The following RIN3 variants were observed in gnomAD, a reference collection of about 807,000 sequenced individuals.
RIN3 encodes the protein Ras and Rab interactor 3.
RIN3 carries 54 observed loss-of-function variants against 76.3 expected under a neutral mutation model. The observed-to-expected ratio is 0.71, with a 90% CI of 0.57 to 0.89. The LOEUF is 0.89. Ranked by LOEUF, RIN3 falls within the 40% of genes least tolerant of loss-of-function variation. The pLI is 0.00. For missense variants in RIN3, 1,256 were observed against 1,322.1 expected (o/e 0.95, Z 0.78); for synonymous variants, 576 against 564.0 (o/e 1.02, Z -0.30).
intron 2 of RIN3, among the ~76,000 whole-genome samples, chr14:92,573,499 C>T (rs1898122547): frequency 8.1e-3 from 1 of 124 alleles, no homozygotes. Context: ...CACGGGGGGC[C>T]GAAGTTCCAA....
intron 8 of RIN3, among the ~76,000 whole-genome samples, chr14:92,678,828 G>A (rs1405880562): frequency 6.6e-6 from 1 of 152,178 alleles, no homozygotes; most frequent in Non-Finnish European, 1.5e-5. Flanking sequence ...CACATTTTGG[G>A]ACTTCTACCT....
At chr14:92,653,706 C>T (rs1887557586) in intron 6 of RIN3, among the ~76,000 whole-genome samples, 1 of 152,204 alleles carries the variant, frequency 6.6e-6, no homozygotes, top group Non-Finnish European at 1.5e-5. Context: ...TTGTGAACAA[C>T]CACACGCCTA....
intron 8 of RIN3, among the ~76,000 whole-genome samples, chr14:92,682,913 C>A (rs984006590): frequency 6.6e-6 from 1 of 152,202 alleles, no homozygotes; most frequent in African/African-American, 2.4e-5. Context: ...CACCCGTAAT[C>A]CCAGCTCTTT....
Position 92,685,286 on chromosome 14 carries a change from C to A in RIN3, c.2631+136C>A. 1.1e-6 allele frequency: 1 copy of A among 920,978 alleles called. No homozygotes were observed. The highest frequency in any genetic ancestry group is 1.6e-6 in the Non-Finnish European group (1 of 627,088). The allele number at this position is 920,978 out of a possible 1,614,324, so 57.1% of individuals were successfully genotyped here. Reference sequence around the variant, plus strand: ...CTGCCTTAGGGGAGCAGTGAGACTCCCCACACCAGAGGAAGGGCCCCCAGC... The same window carrying A: ...CTGCCTTAGGGGAGCAGTGAGACTCACCACACCAGAGGAAGGGCCCCCAGC... On this transcript the variant is annotated intron_variant, in intron 9 of 9. Transcript: ENST00000216487. This position sits in a 1 kb window ranked among gnomAD's most constrained non-coding sequence, Gnocchi z 4.7.
intron 4 of RIN3, among the ~76,000 whole-genome samples, chr14:92,629,800 C>T (rs1318733915): frequency 6.6e-6 from 1 of 152,264 alleles, no homozygotes; most frequent in Non-Finnish European, 1.5e-5. Context: ...AGAGAAGTCA[C>T]TTGCCCAGCT....
intron 4 of RIN3, among the ~76,000 whole-genome samples, chr14:92,618,910 G>T (rs1182017305): frequency 6.6e-6 from 1 of 152,128 alleles, no homozygotes; most frequent in South Asian, 2.1e-4. Flanking sequence ...TCTCCATGAG[G>T]CCATGCTTAA....
At chr14:92,529,776 A>T (rs989340813) in intron 1 of RIN3, among the ~76,000 whole-genome samples, 5 of 152,152 alleles carry the variant, frequency 3.3e-5, no homozygotes, top group African/African-American at 1.2e-4. Context: ...GTAGTGTTCG[A>T]GGGCTGCCTC....
intron 3 of RIN3, among the ~76,000 whole-genome samples, chr14:92,613,591 A>G (rs893465713): frequency 6.6e-6 from 1 of 152,172 alleles, no homozygotes; most frequent in African/African-American, 2.4e-5. Context: ...ACAGACCTCT[A>G]ATGCTGTGGA....
intron 3 of RIN3, among the ~76,000 whole-genome samples, chr14:92,592,686 ATTATTG>A (rs1194302960): frequency 0.012 from 1,401 of 114,676 alleles, 23 homozygotes; most frequent in African/African-American, 0.042. Context: ...TATTATTATT[ATTATTG>A]TGAGACAGAG....
In RIN3 at chr14:92,681,803, G is replaced by A. The variant is rs1302076209; in HGVS notation, c.2468-3184G>A. Among the ~76,000 whole-genome samples, 2 of 152,214 alleles carry A rather than the reference G, an allele frequency of 1.3e-5. No individual in the cohort carries two copies. The highest frequency in any genetic ancestry group is 6.5e-5 in the Admixed American group (1 of 15,286). On this transcript the variant is annotated intron_variant, in intron 8 of 9. Transcript: ENST00000216487. The surrounding 1 kb of genome is among the most constrained non-coding windows in gnomAD (Gnocchi z 4.7). ...AAAATGGAGATACGTAAGTGGTTTA[G>A]TGGTTCTTCTCTTATTAGGGACACC...
rs144626164 is a variant in RIN3, at chr14:92,531,861, C to G, written c.44+17885C>G. ...CTCTGCCAAAGCACAACTCTCGCCC[C>G]CCTAGTTATTTTAAACCCCTCCCCC... On this transcript the variant is annotated intron_variant, in intron 1 of 9. Transcript: ENST00000216487. 2.2e-3 allele frequency among the ~76,000 whole-genome samples: 328 copies of G among 151,894 alleles called. 2 individuals carry two copies. The highest frequency in any genetic ancestry group is 7.6e-3 in the African/African-American group (316 of 41,406).
chr14:92,604,740 C>A (rs554519402), intron 3 of RIN3, among the ~76,000 whole-genome samples: 13 of 152,078 alleles, frequency 8.5e-5, no homozygotes, highest in African/African-American at 3.1e-4. Flanking sequence ...TCTCGCCCTA[C>A]CAACCAAATG....
At chr14:92,609,560 G>A (rs1329284932) in intron 3 of RIN3, among the ~76,000 whole-genome samples, 1 of 152,202 alleles carries the variant, frequency 6.6e-6, no homozygotes, top group African/African-American at 2.4e-5. Flanking sequence ...AGGCTGGCCG[G>A]CTCCCTGCCC....
At chr14:92,682,031 C>T (rs949226639) in intron 8 of RIN3, among the ~76,000 whole-genome samples, 2 of 152,136 alleles carry the variant, frequency 1.3e-5, no homozygotes, top group Non-Finnish European at 2.9e-5. Context: ...GGATTACAGG[C>T]ACGTGCCACC....
rs986465203 is a variant in RIN3 at position 92,540,028 on chromosome 14, C to T, written c.45-15723C>T. 1.6e-4 allele frequency among the ~76,000 whole-genome samples: 25 copies of T among 152,278 alleles called. No homozygotes were observed. The South Asian group carries it at 1.7e-3, about 10-fold the overall frequency. ...GGCAGGTGGAGCCCAGTAGGGACAG[C>T]GGGGCACCTAGCTGGAGTCAGGAAG... On this transcript the variant is annotated intron_variant, in intron 1 of 9. Transcript: ENST00000216487.
At chr14:92,539,412 C>T (rs1897082304) in intron 1 of RIN3, among the ~76,000 whole-genome samples, 1 of 152,190 alleles carries the variant, frequency 6.6e-6, no homozygotes, top group Non-Finnish European at 1.5e-5. Flanking sequence ...CTTATCTTTC[C>T]CATTTTAAAT....
intron 3 of RIN3, among the ~76,000 whole-genome samples, chr14:92,614,900 G>A (rs1401799414): frequency 2.2e-5 from 3 of 135,412 alleles, no homozygotes; most frequent in Non-Finnish European, 4.6e-5. Flanking sequence ...GCGAAATGCT[G>A]TGGTGCAGTC....
intron 4 of RIN3, among the ~76,000 whole-genome samples, chr14:92,632,817 G>C (rs1276290779): frequency 6.6e-6 from 1 of 152,194 alleles, no homozygotes; most frequent in Non-Finnish European, 1.5e-5. Flanking sequence ...AGACAGCATG[G>C]GCAAACGCCT....
rs1176294987 is a variant in RIN3, at chr14:92,644,345, A to C, written c.532+3016A>C. 6 of 149,552 alleles carry C rather than the reference A, an allele frequency of 4.0e-5. No individual in the cohort carries two copies. The East Asian group carries it at 1.2e-3, about 29-fold the overall frequency. The allele number at this position is 149,552 out of a possible 1,614,324, so 9.3% of individuals were successfully genotyped here. ...CATCCCTAGGACTAACTGCCGGGAGACTCCCTACAGATTCCTCTCACCTGC... is the reference window on the plus strand; with the variant it reads ...CATCCCTAGGACTAACTGCCGGGAGCCTCCCTACAGATTCCTCTCACCTGC... On this transcript the variant is annotated intron_variant, in intron 5 of 9. Coordinates refer to ENST00000216487, the MANE Select transcript of RIN3 (RefSeq NM_024832.5).
Sources: allele counts gnomAD v4.1 joint callset (sites outside exome capture counted in the v4.1 genomes callset), GRCh38; gene constraint gnomAD v4.1.1; non-coding constraint Gnocchi (gnomAD v3.1); transcripts MANE v1.5; gene names NCBI Gene and HGNC (gene_info 2026-07-23, HGNC 2026-07-21).